Variants in DDX10 observed in about 807,000 individuals in gnomAD.
The protein encoded by DDX10 is probable ATP-dependent RNA helicase DDX10.
In DDX10, 74 loss-of-function variants were observed where a neutral mutation model predicts 104.3. The observed-to-expected ratio is 0.71, with a 90% CI of 0.59 to 0.86. The LOEUF (loss-of-function observed/expected upper bound fraction) is 0.86. Among genes scored for constraint, DDX10 ranks in the 40% least tolerant of loss-of-function variants. The pLI is 0.00. For synonymous variants in DDX10, 351 were observed against 353.4 expected (o/e 0.99, Z 0.08); for missense variants, 952 against 1,040.0 (o/e 0.92, Z 1.16).
intron 16 of DDX10, among the ~76,000 whole-genome samples, chr11:108,856,483 C>G (rs1449550384): frequency 6.6e-6 from 1 of 150,648 alleles, no homozygotes; most frequent in African/African-American, 2.4e-5. Flanking sequence ...AAACAAAAAA[C>G]AAAACAAAAA....
chr11:108,880,678 C>T (rs960047570), intron 16 of DDX10, among the ~76,000 whole-genome samples: 1 of 152,078 alleles, frequency 6.6e-6, no homozygotes, highest in Admixed American at 6.5e-5. Context: ...CATCGTATAC[C>T]CTAGGGTTGC....
chr11:108,673,238 G>A (rs1369856536), intron 1 of DDX10, among the ~76,000 whole-genome samples: 3 of 152,084 alleles, frequency 2.0e-5, no homozygotes, highest in Non-Finnish European at 4.4e-5. Context: ...TGTGTATTGG[G>A]TGACTTTTTT....
At chr11:108,722,641 C>T (rs920311756) in intron 12 of DDX10, among the ~76,000 whole-genome samples, 1 of 152,114 alleles carries the variant, frequency 6.6e-6, no homozygotes, top group Non-Finnish European at 1.5e-5. Flanking sequence ...GTGAGTTAGG[C>T]CTGGCAGGTA....
intron 9 of DDX10, among the ~76,000 whole-genome samples, chr11:108,704,562 C>T (rs568636387): frequency 7.2e-5 from 11 of 152,266 alleles, no homozygotes; most frequent in African/African-American, 2.4e-4. Context: ...TCTCCATTAT[C>T]TTGTCTGCTC....
chr11:108,692,718 C>A (rs575281870), intron 8 of DDX10, among the ~76,000 whole-genome samples: 254 of 152,158 alleles, frequency 1.7e-3, no homozygotes, highest in Middle Eastern at 3.4e-3. Context: ...TCCCCCTGTC[C>A]CTCTTGGAGT....
At chr11:108,679,246 C>A in intron 5 of DDX10, 125 bp from the exon 6 acceptor site, 1 of 770,838 alleles carries the variant, frequency 1.3e-6, no homozygotes, top group Non-Finnish European at 2.1e-6. Flanking sequence ...AGACTTTATT[C>A]AGGTTTTACC....
chr11:108,716,040 G>A (rs1228169306), intron 11 of DDX10, 74 bp downstream of exon 11: 1 of 828,058 alleles, frequency 1.2e-6, no homozygotes, highest in Non-Finnish European at 2.0e-6. Context: ...GCTACTTCTA[G>A]GTTGCATGTT....
chr11:108,935,101 G>A (rs1465814726), intron 17 of DDX10, among the ~76,000 whole-genome samples: 1 of 152,154 alleles, frequency 6.6e-6, no homozygotes, highest in Non-Finnish European at 1.5e-5. Flanking sequence ...CAGAAATGAA[G>A]ACTAGGAGCC....
chr11:108,932,839 A>G (rs1471254630), intron 17 of DDX10, among the ~76,000 whole-genome samples: 2 of 151,988 alleles, frequency 1.3e-5, no homozygotes, highest in Non-Finnish European at 2.9e-5. Context: ...CAAGTGCTGT[A>G]TTCGCTTATT....
intron 13 of DDX10, among the ~76,000 whole-genome samples, chr11:108,829,496 T>G (rs976194532): frequency 1.3e-5 from 2 of 152,234 alleles, no homozygotes; most frequent in African/African-American, 4.8e-5. Context: ...TATTAGGCTT[T>G]GTTAGATGTA....
At chr11:108,703,333 G>A (rs545538949) in intron 9 of DDX10, among the ~76,000 whole-genome samples, 6 of 148,876 alleles carry the variant, frequency 4.0e-5, no homozygotes, top group African/African-American at 1.2e-4. Flanking sequence ...ATTTTAAAGT[G>A]TAGATCTTTT....
At chr11:108,793,640 A>G (rs1298457632) in intron 13 of DDX10, among the ~76,000 whole-genome samples, 1 of 152,172 alleles carries the variant, frequency 6.6e-6, no homozygotes, top group Non-Finnish European at 1.5e-5. Flanking sequence ...ATTTGTGTGT[A>G]CTGACCTTGT....
At chr11:108,727,448 G>C (rs1156661423) in intron 13 of DDX10, among the ~76,000 whole-genome samples, 1 of 151,776 alleles carries the variant, frequency 6.6e-6, no homozygotes, top group Non-Finnish European at 1.5e-5. Flanking sequence ...ACTTTGCTTT[G>C]TGTCCCTTGT....
intron 13 of DDX10, among the ~76,000 whole-genome samples, chr11:108,728,546 G>A (rs953202585): frequency 3.8e-5 from 5 of 130,110 alleles, no homozygotes; most frequent in Non-Finnish European, 7.7e-5. Flanking sequence ...ATAGGGTCTC[G>A]CTCTGTCACA....
intron 9 of DDX10, 25 bp from the exon 10 acceptor site, chr11:108,706,714 A>C (rs375212124): frequency 2.5e-5 from 40 of 1,574,144 alleles, no homozygotes; most frequent in Non-Finnish European, 3.5e-5. Context: ...TTGATGTGTT[A>C]AAGATTTTGT....
chr11:108,812,979 T>TAAA lies in DDX10; in HGVS notation c.1966-25455_1966-25453dup, dbSNP rs60528070. Among the ~76,000 whole-genome samples, 264 of 66,482 alleles carry TAAA rather than the reference T, an allele frequency of 4.0e-3. 17 individuals are homozygous for TAAA. Among genetic ancestry groups the TAAA allele is most frequent in the South Asian group, 0.025 (28 of 1,142 alleles). 43.6% of individuals were successfully genotyped at this position (66,482 alleles called of 152,430 possible). On this transcript the variant is annotated intron_variant, in intron 13 of 17. Transcript: ENST00000322536. ...CCTGGATGACAGAGTGACTCCATCT[T>TAAA]AAAAAAAAAAAAAAGAACAAACATT...
chr11:108,847,131 T>G (rs1862730262), intron 15 of DDX10, among the ~76,000 whole-genome samples: 1 of 152,182 alleles, frequency 6.6e-6, no homozygotes, highest in Admixed American at 6.5e-5. Context: ...TCATTGGAAA[T>G]AAAAATACAG....
At chr11:108,693,071 AGT>A (rs2094254997) in intron 8 of DDX10, among the ~76,000 whole-genome samples, 1 of 152,018 alleles carries the variant, frequency 6.6e-6, no homozygotes, top group Non-Finnish European at 1.5e-5. Context: ...GACAGGCCCC[AGT>A]GTGTGATGTT....
chr11:108,715,650 A>G (rs1331033319), intron 10 of DDX10, among the ~76,000 whole-genome samples: 2 of 152,254 alleles, frequency 1.3e-5, no homozygotes, highest in African/African-American at 2.4e-5. Context: ...TTCACTCAGC[A>G]TGGGATGTTT....
Sources: gnomAD v4.1 joint callset for allele counts (sites outside exome capture counted in the v4.1 genomes callset) on GRCh38, gnomAD v4.1.1 for gene constraint, MANE v1.5 for transcripts, NCBI Gene and HGNC (gene_info 2026-07-23, HGNC 2026-07-21) for gene names.